Variants in ACSL3 observed in about 807,000 individuals in gnomAD.
ACSL3 encodes the protein acyl-CoA synthetase long chain family member 3, also known as fatty acid CoA ligase Acsl3.
A neutral mutation model predicts 84.7 loss-of-function variants in ACSL3; 34 were observed. The observed-to-expected ratio is 0.40, with a 90% CI of 0.31 to 0.53. The LOEUF (loss-of-function observed/expected upper bound fraction) is 0.53, where lower values mean the gene tolerates loss of function less well. Among genes scored for constraint, ACSL3 ranks in the 20% least tolerant of loss-of-function variants. The pLI, the probability that ACSL3 is intolerant of heterozygous loss-of-function variation, is 0.48. For missense variants in ACSL3, 680 were observed against 873.1 expected, an observed-to-expected ratio of 0.78 and a Z score of 2.79; for synonymous variants, 315 against 299.4, an observed-to-expected ratio of 1.05 and a Z score of -0.54.
In ACSL3 at chr2:222,899,544, C is replaced by T. The variant is rs373820827; in HGVS notation, c.-147-1130C>T. Among the ~76,000 whole-genome samples, 45 of 152,114 alleles carry T rather than the reference C, an allele frequency of 3.0e-4. No individual in the cohort carries two copies. The East Asian group carries it at 6.2e-3, about 21-fold the overall frequency. ...ACAGGACAGGGGTCCTGATCTAAAC[C>T]TGAAGGGAAGGTTCTCGGATCTTGC... On this transcript the variant is annotated intron_variant, in intron 2 of 16. Coordinates refer to ENST00000357430, the MANE Select transcript of ACSL3 (RefSeq NM_004457.5).
chr2:222,887,175 A>G (rs1695744904), intron 1 of ACSL3, among the ~76,000 whole-genome samples: 1 of 152,192 alleles, frequency 6.6e-6, no homozygotes, highest in African/African-American at 2.4e-5. Flanking sequence ...GGAATCATAC[A>G]GTACATAGCA....
At chr2:222,900,242 C>T (rs895646565) in intron 2 of ACSL3, among the ~76,000 whole-genome samples, 1 of 152,204 alleles carries the variant, frequency 6.6e-6, no homozygotes, top group Admixed American at 6.5e-5. Context: ...AATACTTGCT[C>T]TGTGGCTCTC....
chr2:222,931,229 CT>C (rs370918014), intron 14 of ACSL3, among the ~76,000 whole-genome samples: 7 of 151,006 alleles, frequency 4.6e-5, no homozygotes, highest in Admixed American at 4.0e-4. Context: ...CTTTTAGGTT[CT>C]TTTTTTTTAA....
At chr2:222,903,892 A>G (rs1251454995) in intron 3 of ACSL3, among the ~76,000 whole-genome samples, 1 of 152,200 alleles carries the variant, frequency 6.6e-6, no homozygotes, top group Non-Finnish European at 1.5e-5. Context: ...CACAGTGGGT[A>G]TAAATGTAAA....
At chr2:222,880,177 A>G (rs1214896914) in intron 1 of ACSL3, among the ~76,000 whole-genome samples, 1 of 152,234 alleles carries the variant, frequency 6.6e-6, no homozygotes, top group Non-Finnish European at 1.5e-5. Flanking sequence ...GCAAATATGC[A>G]TTAAATATGC....
intron 1 of ACSL3, among the ~76,000 whole-genome samples, chr2:222,886,114 T>G (rs547779316): frequency 6.6e-6 from 1 of 152,256 alleles, no homozygotes; most frequent in South Asian, 2.1e-4. Flanking sequence ...CAGGTTTACA[T>G]GTATACGTAG....
intron 1 of ACSL3, among the ~76,000 whole-genome samples, chr2:222,877,714 A>G (rs1009941769): frequency 6.6e-6 from 1 of 152,230 alleles, no homozygotes; most frequent in Non-Finnish European, 1.5e-5. Flanking sequence ...GTTAGATTAC[A>G]TGCTAGAAAT....
At chr2:222,911,910 T>C (rs949675918) in intron 4 of ACSL3, among the ~76,000 whole-genome samples, 1 of 152,222 alleles carries the variant, frequency 6.6e-6, no homozygotes, top group South Asian at 2.1e-4. Flanking sequence ...GACTGTTTTT[T>C]AGCAACTTTT....
Position 222,930,723 on chromosome 2 carries a change from C to A in ACSL3, c.1643C>A (p.Ala548Asp). 1.9e-6 allele frequency: 3 copies of A among 1,614,066 alleles called. No individual in the cohort carries two copies. In the East Asian group the frequency reaches 6.7e-5, roughly 36 times the overall value. Reference protein sequence around the residue: ...GYYKNEAKTKADFFEDENGQR... With the variant: ...GYYKNEAKTKDDFFEDENGQR... ...TACAAAAATGAAGCAAAAACAAAAG[C>A]TGATTTCTTTGAAGATGAAAATGGA... Residue 548 changes from alanine (A) to aspartate (D), a missense_variant, in exon 14 of 17, where the codon GCT becomes GAT. Physicochemically the swap from Ala to Asp is moderately radical, Grantham distance 126 (BLOSUM62 -2). Around this residue, in one of 2 missense-constraint regions of ACSL3, gnomAD observed 347 missense variants for 525.7 expected, o/e 0.66. Coordinates refer to ENST00000357430, the MANE Select transcript of ACSL3 (RefSeq NM_004457.5).
At chr2:222,915,226 G>A (rs1267531681) in intron 4 of ACSL3, among the ~76,000 whole-genome samples, 4 of 151,542 alleles carry the variant, frequency 2.6e-5, no homozygotes, top group South Asian at 2.1e-4. Context: ...CATTTCATGG[G>A]GGTAAAGAGC....
At chr2:222,912,579 C>T (rs1696472949) in intron 4 of ACSL3, among the ~76,000 whole-genome samples, 1 of 152,080 alleles carries the variant, frequency 6.6e-6, no homozygotes, top group South Asian at 2.1e-4. Context: ...GGGGATTAAC[C>T]CCAGAATGTT....
In ACSL3 at chr2:222,928,782, A is replaced by C; in HGVS notation, c.1466-80A>C. On this transcript the variant is annotated intron_variant, in intron 12 of 16. Coordinates refer to ENST00000357430, the MANE Select transcript of ACSL3 (RefSeq NM_004457.5). Reference sequence around the variant, plus strand: ...GGATACCTCAGCCTTAGGATAAATAATCATTTTTGGTAATTTAGAAAAATG... The same window carrying C: ...GGATACCTCAGCCTTAGGATAAATACTCATTTTTGGTAATTTAGAAAAATG... 3 of 1,183,672 alleles carry C rather than the reference A, an allele frequency of 2.5e-6. No homozygotes were observed. The South Asian group carries it at 3.8e-5, about 15-fold the overall frequency. 73.3% of individuals were successfully genotyped at this position (1,183,672 alleles called of 1,614,324 possible).
intron 3 of ACSL3, among the ~76,000 whole-genome samples, chr2:222,903,391 C>T (rs969859581): frequency 2.0e-5 from 3 of 152,220 alleles, no homozygotes; most frequent in Non-Finnish European, 4.4e-5. Flanking sequence ...ATCCATTTGT[C>T]CTGGCCTCCC....
rs181119357 is a variant in ACSL3 at position 222,942,403 on chromosome 2, A to G, written c.*749A>G. ...GTTGATAATTGGTCTCTAGTAGCTT[A>G]CTGTCAAAATGTTCAATGAAGTCTT... is the stretch of plus-strand genomic sequence containing the variant. On this transcript the variant is annotated 3_prime_UTR_variant, in exon 17 of 17. Coordinates refer to ENST00000357430, the MANE Select transcript of ACSL3 (RefSeq NM_004457.5). 2.9e-3 allele frequency: 568 copies of G among 193,084 alleles called. 3 individuals are homozygous for G. The highest frequency in any genetic ancestry group is 0.011 in the African/African-American group (468 of 43,278). 12.0% of individuals were successfully genotyped at this position (193,084 alleles called of 1,614,324 possible). A position where few individuals can be genotyped will look rare whatever the true frequency, so the allele number is the denominator to read the frequency against.
chr2:222,929,403 T>C (rs751245263), intron 13 of ACSL3, among the ~76,000 whole-genome samples: 4 of 152,180 alleles, frequency 2.6e-5, no homozygotes, highest in Admixed American at 1.3e-4. Context: ...AAAATAATGG[T>C]CACTTAAAAA....
At chr2:222,914,268 TG>T (rs1178048717) in intron 4 of ACSL3, among the ~76,000 whole-genome samples, 1 of 148,270 alleles carries the variant, frequency 6.7e-6, no homozygotes, top group African/African-American at 2.5e-5. Flanking sequence ...TGTGTGTGTG[TG>T]TGTGTGTGTA....
Position 222,922,709 on chromosome 2 carries a change from G to A in ACSL3, c.958G>A (p.Glu320Lys). Residue 320 changes from glutamate (E) to lysine (K), a missense_variant and splice_region_variant, in exon 9 of 17, where the codon GAG becomes AAG. This residue lies in a region of ACSL3 where 347 missense variants were observed against 525.7 expected (regional missense o/e 0.66). Transcript: ENST00000357430. ...GMAERIPELG[E>K]EDVYIGYLPL... ...TCTGACGTCTCCCTTTTCTTTTAGA[G>A]AGGAAGATGTCTACATTGGATATTT... 6.2e-7 allele frequency: 1 copy of A among 1,613,884 alleles called. No individual in the cohort carries two copies. The highest frequency in any genetic ancestry group is 8.5e-7 in the Non-Finnish European group (1 of 1,179,898).
intron 1 of ACSL3, among the ~76,000 whole-genome samples, chr2:222,872,983 G>A (rs189590263): frequency 2.0e-5 from 3 of 152,262 alleles, no homozygotes; most frequent in East Asian, 3.9e-4. Flanking sequence ...AAATAAAGCC[G>A]TCTCTTAGAA....
At chr2:222,920,787 A>G (rs1051987337) in intron 7 of ACSL3, among the ~76,000 whole-genome samples, 1 of 152,016 alleles carries the variant, frequency 6.6e-6, no homozygotes, top group East Asian at 1.9e-4. Context: ...CCACTTGACT[A>G]TTGTTTCTTG....
Sources: gnomAD v4.1 joint callset for allele counts (sites outside exome capture counted in the v4.1 genomes callset) on GRCh38, gnomAD v4.1.1 for gene constraint, gnomAD v4.1.1 regional missense constraint, MANE v1.5 for transcripts, NCBI Gene and HGNC (gene_info 2026-07-23, HGNC 2026-07-21) for gene names.